PPP1R16A: variants seen among roughly 807,000 people sequenced by gnomAD.
The protein encoded by PPP1R16A is myosin phosphatase-targeting subunit 3.
PPP1R16A carries 39 observed loss-of-function variants against 46.6 expected under a neutral mutation model. The ratio of observed to expected loss-of-function variants is 0.84; its 90% confidence interval spans 0.65 to 1.09. The LOEUF (loss-of-function observed/expected upper bound fraction) is 1.09, where lower values mean the gene tolerates loss of function less well. Ranked by LOEUF, PPP1R16A falls within the 50% of genes least tolerant of loss-of-function variation. The probability of loss-of-function intolerance (pLI) is 0.00; values close to 1 mark genes in which losing one functional copy is unlikely to be tolerated. For missense variants in PPP1R16A, 798 were observed against 735.6 expected (o/e 1.08, Z -0.98); for synonymous variants, 413 against 321.5 (o/e 1.28, Z -3.04).
intron 5 of PPP1R16A, 26 bp from the exon 6 acceptor site, chr8:144,500,070 C>A: frequency 6.3e-7 from 1 of 1,586,438 alleles, no homozygotes; most frequent in African/African-American, 1.3e-5. Flanking sequence ...GCCTTGTGCC[C>A]AGCACCCCGT....
At chr8:144,492,209 G>C (rs942662579) in intron 2 of PPP1R16A, among the ~76,000 whole-genome samples, 2 of 152,172 alleles carry the variant, frequency 1.3e-5, no homozygotes, top group African/African-American at 4.8e-5. Flanking sequence ...ACCCTGCGAT[G>C]TGCGGCCAGA....
At chr8:144,485,952 G>T (rs946339462) in intron 1 of PPP1R16A, among the ~76,000 whole-genome samples, 3 of 152,176 alleles carry the variant, frequency 2.0e-5, no homozygotes, top group African/African-American at 7.2e-5. Context: ...GGGCGTTGAG[G>T]TCGGCGTGAT....
chr8:144,501,166 G>A lies in PPP1R16A; in HGVS notation c.1075G>A (p.Asp359Asn), dbSNP rs771950529. The change falls in exon 11 of 12, where the codon GAC becomes AAC. Residue 359 changes from aspartate to asparagine, a missense_variant. Physicochemically the swap from Asp to Asn is conservative, Grantham distance 23. Transcript: ENST00000435887. ...VRRVSLTQRT[D>N]LYRKQHAQEA... ...GCGGGTGAGCCTAACCCAGCGCACC[G>A]ACCTGTACCGCAAGCAGCACGCCCA... 15 of 1,610,680 alleles carry A rather than the reference G, an allele frequency of 9.3e-6. No individual in the cohort carries two copies. The Admixed American group carries it at 1.5e-4, about 16-fold the overall frequency.
rs781518007 is a variant in PPP1R16A, at chr8:144,498,870, G to A, written c.330+30G>A. ...GCCTGCACTGGGTGTGGGCAGGGTG[G>A]GGGCTGGCCCCCGTGCTCTGGTCGC... On this transcript the variant is annotated intron_variant, in intron 4 of 11. Coordinates refer to ENST00000435887, the MANE Select transcript of PPP1R16A (RefSeq NM_001329443.2). 3.1e-6 allele frequency: 5 copies of A among 1,612,406 alleles called. No homozygotes were observed. The Admixed American group carries it at 6.7e-5, about 21-fold the overall frequency.
chr8:144,500,805 G>GCT (rs770779620), intron 9 of PPP1R16A, 37 bp from the exon 10 acceptor site: 1 of 1,600,754 alleles, frequency 6.2e-7, no homozygotes. Context: ...GAGGACAGGC[G>GCT]GGGAGGGCGC....
intron 1 of PPP1R16A, among the ~76,000 whole-genome samples, chr8:144,484,912 C>A (rs1401997500): frequency 1.3e-5 from 2 of 152,164 alleles, no homozygotes; most frequent in East Asian, 3.8e-4. Flanking sequence ...GGAATAGTTT[C>A]AATTTCATAT....
intron 1 of PPP1R16A, among the ~76,000 whole-genome samples, chr8:144,488,689 G>A (rs562949630): frequency 5.9e-5 from 9 of 152,120 alleles, no homozygotes; most frequent in African/African-American, 1.2e-4. Context: ...AACGATGGGC[G>A]GGGGTGAAGC....
At chr8:144,484,009 C>T (rs1364888255) in intron 1 of PPP1R16A, among the ~76,000 whole-genome samples, 1 of 152,218 alleles carries the variant, frequency 6.6e-6, no homozygotes, top group Non-Finnish European at 1.5e-5. Context: ...AGCTCCTGTC[C>T]CAGGCTCACA....
chr8:144,489,524 A>G (rs1586743803), intron 1 of PPP1R16A, among the ~76,000 whole-genome samples: 1 of 152,026 alleles, frequency 6.6e-6, no homozygotes. Flanking sequence ...GCTTCCTTGG[A>G]GCAGTCTGCA....
chr8:144,479,998 C>G (rs1352252598), intron 1 of PPP1R16A, among the ~76,000 whole-genome samples: 1 of 152,186 alleles, frequency 6.6e-6, no homozygotes, highest in African/African-American at 2.4e-5. Flanking sequence ...TGGCCAAGTT[C>G]TTAGGATGCA....
Position 144,497,416 on chromosome 8 carries a change from C to T in PPP1R16A, c.222C>T (p.Val74=). ...LKQVLFPPSV[V]LLEAAARNDL... is the part of the protein sequence containing the mutation. ...AGGTCCTCTTCCCTCCCAGTGTTGTCCTTCTGGAGGCCGCTGCCCGAAATG... is the reference window on the plus strand; with the variant it reads ...AGGTCCTCTTCCCTCCCAGTGTTGTTCTTCTGGAGGCCGCTGCCCGAAATG... Residue 74 remains valine, a synonymous_variant, in exon 3 of 12, where the codon GTC becomes GTT. Transcript: ENST00000435887. The T allele has an allele frequency of 1.2e-6, 2 of 1,613,058 alleles. No homozygotes were observed. Among genetic ancestry groups the T allele is most frequent in the Non-Finnish European group, 1.7e-6 (2 of 1,180,014 alleles).
intron 10 of PPP1R16A, 31 bp from the exon 11 acceptor site, chr8:144,501,098 C>T (rs1311095142): frequency 2.5e-6 from 4 of 1,604,906 alleles, no homozygotes; most frequent in Admixed American, 1.7e-5. Flanking sequence ...CACTCCCCTT[C>T]CCCTCACTCC....
At position 144,487,438 on chromosome 8, in the gene PPP1R16A, C is replaced by T. The variant is rs529179102; in HGVS notation, c.-913-2596C>T. 8.4e-4 allele frequency among the ~76,000 whole-genome samples: 128 copies of T among 152,220 alleles called. 1 individual carries two copies. The highest frequency in any genetic ancestry group is 3.0e-3 in the African/African-American group (124 of 41,526). ...CCAGGCTGGAGTGCAGTGTTGATTT[C>T]GGCTCACTGCAACCTCTGCCTCCCA... On this transcript the variant is annotated intron_variant, in intron 1 of 11. Transcript: ENST00000435887.
intron 1 of PPP1R16A, among the ~76,000 whole-genome samples, chr8:144,484,342 G>A (rs907172196): frequency 2.0e-5 from 3 of 152,364 alleles, no homozygotes; most frequent in East Asian, 1.9e-4. Context: ...CATCTACTCC[G>A]TGGGGGTTAT....
Position 144,500,675 on chromosome 8 carries a change from G to A in PPP1R16A, c.832-11G>A, listed in dbSNP as rs757592608. The stretch of plus-strand genomic sequence containing the variant: ...GCGCAGCAGTCTGCAGCTCCGGCCT[G>A]CCGTCCACAGGTGCCCCTGGTGGAG... On this transcript the variant is annotated splice_polypyrimidine_tract_variant and intron_variant, in intron 8 of 11. Coordinates refer to ENST00000435887, the MANE Select transcript of PPP1R16A (RefSeq NM_001329443.2). The A allele has an allele frequency of 6.2e-7, 1 of 1,609,574 alleles. No homozygotes were observed. Among genetic ancestry groups the A allele is most frequent in the South Asian group, 1.1e-5 (1 of 90,934 alleles).
chr8:144,501,068 G>A (rs764620727), intron 10 of PPP1R16A, 61 bp from the exon 11 acceptor site: 11 of 1,565,198 alleles, frequency 7.0e-6, no homozygotes, highest in South Asian at 1.2e-5. Flanking sequence ...AGTCCGAGGG[G>A]GTGGGCGGGG....
chr8:144,500,203 G>A lies in PPP1R16A; in HGVS notation c.580+4G>A, dbSNP rs1324025049. The stretch of plus-strand genomic sequence containing the variant: ...GAGACTGCCATGGCCGACCGTGGTA[G>A]GTGCGGCGGTGCGGCTGTGGGAGGG... On this transcript the variant is annotated splice_donor_region_variant and intron_variant, in intron 6 of 11. Transcript: ENST00000435887. 2 of 1,598,346 alleles carry A rather than the reference G, an allele frequency of 1.3e-6. No homozygotes were observed. The highest frequency in any genetic ancestry group is 1.1e-5 in the South Asian group (1 of 88,886).
chr8:144,488,105 C>T (rs1448288336), intron 1 of PPP1R16A, among the ~76,000 whole-genome samples: 1 of 152,236 alleles, frequency 6.6e-6, no homozygotes, highest in Admixed American at 6.5e-5. Context: ...ACATCCTCCC[C>T]TGACAGCCTC....
Position 144,501,372 on chromosome 8 carries a change from C to T in PPP1R16A, c.1203+78C>T, listed in dbSNP as rs1489401195. The T allele has an allele frequency of 8.0e-6, 12 of 1,500,016 alleles. No individual in the cohort carries two copies. In the African/African-American group the frequency reaches 1.1e-4, roughly 14 times the overall value. The allele number at this position is 1,500,016 out of a possible 1,614,324, so 92.9% of individuals were successfully genotyped here. A position where few individuals can be genotyped will look rare whatever the true frequency, so the allele number is the denominator to read the frequency against. ...CTGGTTCTCTCTCCGCTTGGACCCC[C>T]TCCTGCCTGTGTCAGGAATGGTGCC... On this transcript the variant is annotated intron_variant, in intron 11 of 11. Coordinates refer to ENST00000435887, the MANE Select transcript of PPP1R16A (RefSeq NM_001329443.2).
Sources: gnomAD v4.1 joint callset for allele counts (sites outside exome capture counted in the v4.1 genomes callset) on GRCh38, gnomAD v4.1.1 for gene constraint, MANE v1.5 for transcripts, NCBI Gene and HGNC (gene_info 2026-07-23, HGNC 2026-07-21) for gene names.